SCRIB: variants seen among roughly 807,000 people sequenced by gnomAD.
The protein encoded by SCRIB is scribble planar cell polarity protein, also known as protein scribble homolog.
In SCRIB, 72 loss-of-function variants were observed where a neutral mutation model predicts 170.0. That is an observed-to-expected ratio of 0.42 (90% CI 0.35 to 0.52). SCRIB has a LOEUF of 0.52. SCRIB is among the 20% of genes least tolerant of loss of function. SCRIB has a pLI of 0.02. For synonymous variants in SCRIB, 1,298 were observed against 1,044.3 expected, an observed-to-expected ratio of 1.24 and a Z score of -4.68; for missense variants, 2,475 against 2,338.5, an observed-to-expected ratio of 1.06 and a Z score of -1.20.
chr8:143,809,664 T>C lies in SCRIB; in HGVS notation c.1585A>G (p.Ser529Gly). 1 of 1,611,400 alleles carries C rather than the reference T, an allele frequency of 6.2e-7. No homozygotes were observed. Among genetic ancestry groups the C allele is most frequent in the African/African-American group, 1.3e-5 (1 of 75,054 alleles). The change falls in exon 14 of 37, where the codon AGC (serine) becomes GGC (glycine). Residue 529 changes from serine (S) to glycine (G), a missense_variant. By Grantham distance (56) the Ser-to-Gly change is moderately conservative. This residue lies in a region of SCRIB where 1,966 missense variants were observed against 1,742.9 expected (regional missense o/e 1.13). Coordinates refer to ENST00000356994, the MANE Select transcript of SCRIB (RefSeq NM_182706.5). The part of the protein sequence containing the change: ...GLSEDSRPSA[S>G]TVSEAEPEGP... ...TCGGGCTCAGCCTCAGAGACTGTGCTGGCAGATGGGCGAGAGTCTTCACTC... is the reference window on the plus strand; with the variant it reads ...TCGGGCTCAGCCTCAGAGACTGTGCCGGCAGATGGGCGAGAGTCTTCACTC...
At chr8:143,810,426 C>T (rs1815653009) in intron 13 of SCRIB, 53 bp downstream of exon 13, 1 of 1,588,844 alleles carries the variant, frequency 6.3e-7, no homozygotes, top group Non-Finnish European at 8.5e-7. Flanking sequence ...TGGACCGGAC[C>T]ACCACAGCTC....
chr8:143,803,410 A>G lies in SCRIB; in HGVS notation c.3576T>C (p.Phe1192=), dbSNP rs13281371. Residue 1192 remains phenylalanine (F), a synonymous_variant, in exon 24 of 37, where the codon TTT becomes TTC. Coordinates refer to ENST00000356994, the MANE Select transcript of SCRIB (RefSeq NM_182706.5). ...CCAGGGCTGCGTCGGTGCTGGCCTC[A>G]AAGCCGTCACAGACCAGCACGGTGA... ...DTLTVLVCDG[F]EASTDAALEV... 1,457,757 of 1,586,568 alleles carry G rather than the reference A, an allele frequency of 0.92. 670,150 individuals carry two copies. Among genetic ancestry groups the G allele is most frequent in the East Asian group, 0.98 (43,268 of 44,212 alleles).
intron 1 of SCRIB, among the ~76,000 whole-genome samples, 181 bp from the exon 2 acceptor site, chr8:143,814,299 C>T (rs1300767380): frequency 1.3e-5 from 2 of 152,138 alleles, no homozygotes; most frequent in African/African-American, 4.8e-5. Flanking sequence ...ACACACGGTA[C>T]ACACGCCCAC....
At position 143,807,539 on chromosome 8, in the gene SCRIB, G is replaced by T; in HGVS notation, c.2178+13C>A. The T allele has an allele frequency of 6.2e-7, 1 of 1,611,000 alleles. No individual in the cohort carries two copies. ...CAGCGGCCCGGCCAGAGTGCAGAGC[G>T]AGCAGTACAGACCTCTTCCTCCTCA... On this transcript the variant is annotated intron_variant, in intron 16 of 36. Coordinates refer to ENST00000356994, the MANE Select transcript of SCRIB (RefSeq NM_182706.5).
Position 143,811,187 on chromosome 8 carries a change from G to A in SCRIB, c.1065C>T (p.Ala355=). ...NRLAVLPPEL[A]HTTELHVLDV... ...CCAGCACGTGCAGCTCTGTCGTGTG[G>A]GCCAGCTCTGGTGGCAGGACGGCCA... The change falls in exon 10 of 37, where the codon GCC becomes GCT. Residue 355 remains alanine, a synonymous_variant. Coordinates refer to ENST00000356994, the MANE Select transcript of SCRIB (RefSeq NM_182706.5). The A allele has an allele frequency of 1.2e-6, 2 of 1,611,020 alleles. No homozygotes were observed. Among genetic ancestry groups the A allele is most frequent in the Non-Finnish European group, 1.7e-6 (2 of 1,179,216 alleles).
intron 24 of SCRIB, among the ~76,000 whole-genome samples, chr8:143,796,605 C>A (rs142006784): frequency 6.6e-6 from 1 of 152,168 alleles, no homozygotes; most frequent in Non-Finnish European, 1.5e-5. Context: ...CAACTGTAAG[C>A]GCTCAACAAG....
At chr8:143,811,453 G>C (rs950169686) in intron 9 of SCRIB, 108 bp from the exon 10 acceptor site, 2 of 975,024 alleles carry the variant, frequency 2.1e-6, no homozygotes, top group African/African-American at 3.2e-5. Context: ...CTCCAGCCAG[G>C]GTCCCTCACA....
intron 27 of SCRIB, 115 bp from the exon 28 acceptor site, chr8:143,794,077 A>G: frequency 1.1e-6 from 1 of 921,738 alleles, no homozygotes; most frequent in Non-Finnish European, 1.7e-6. Flanking sequence ...CAGTTCCCCA[A>G]CCTGACTATA....
rs1815556097 is a variant in SCRIB at position 143,808,726 on chromosome 8, C to G, written c.1998G>C (p.Glu666Asp). Residue 666 changes from glutamate (E) to aspartate (D), a missense_variant, in exon 15 of 37, where the codon GAG (glutamate) becomes GAC (aspartate). Glu to Asp is a conservative substitution (Grantham distance 45, BLOSUM62 2). Coordinates refer to ENST00000356994, the MANE Select transcript of SCRIB (RefSeq NM_182706.5). ...RAQKEEEEEE[E>D]GSPQEEEEEE... ...CTTCCTCCTCCTCCTGAGGACTACCCTCTTCCTCCTCCTCCTCCTCCTTCT... is the reference window on the plus strand; with the variant it reads ...CTTCCTCCTCCTCCTGAGGACTACCGTCTTCCTCCTCCTCCTCCTCCTTCT... The G allele has an allele frequency of 6.3e-7, 1 of 1,596,718 alleles. No homozygotes were observed. The highest frequency in any genetic ancestry group is 8.5e-7 in the Non-Finnish European group (1 of 1,171,508).
chr8:143,805,269 T>C lies in SCRIB; in HGVS notation c.2513A>G (p.Glu838Gly), dbSNP rs782092179. 13 of 1,552,992 alleles carry C rather than the reference T, an allele frequency of 8.4e-6. No individual in the cohort carries two copies. The highest frequency in any genetic ancestry group is 1.4e-5 in the African/African-American group (1 of 73,336). ...LRPEDDYSPR[E>G]RRGGGLRLPL... ...CAGGCGCAGCCCCCCTCCCCGCCGCTCTCGGGGGCTGTAATCATCCTCGGG... is the reference window on the plus strand; with the variant it reads ...CAGGCGCAGCCCCCCTCCCCGCCGCCCTCGGGGGCTGTAATCATCCTCGGG... Residue 838 changes from glutamate to glycine, a missense_variant, in exon 19 of 37, where the codon GAG becomes GGG. Glu to Gly is a moderately conservative substitution (Grantham distance 98, BLOSUM62 -2). Around this residue, in one of 3 missense-constraint regions of SCRIB, gnomAD observed 1,966 missense variants for 1,742.9 expected, o/e 1.13. Coordinates refer to ENST00000356994, the MANE Select transcript of SCRIB (RefSeq NM_182706.5).
chr8:143,805,067 G>A (rs1554636111), intron 19 of SCRIB, 45 bp downstream of exon 19: 1 of 1,586,060 alleles, frequency 6.3e-7, no homozygotes, highest in Non-Finnish European at 8.6e-7. Flanking sequence ...GAGTGCGGCT[G>A]TCAGCTCTAG....
At chr8:143,795,184 AG>A in intron 26 of SCRIB, 72 bp from the exon 27 acceptor site, 2 of 1,597,010 alleles carry the variant, frequency 1.3e-6, no homozygotes, top group Non-Finnish European at 1.7e-6. Flanking sequence ...AGGGCAGGAG[AG>A]GGGGTCCTGG....
At chr8:143,800,505 A>G (rs11774282) in intron 24 of SCRIB, among the ~76,000 whole-genome samples, 133,086 of 152,266 alleles carry the variant, frequency 0.87, 58,406 homozygotes, top group East Asian at 0.95. Flanking sequence ...AGATTTACAA[A>G]TCCAGGTGAG....
Position 143,804,612 on chromosome 8 carries a change from G to A in SCRIB, c.2965C>T (p.Pro989Ser). The part of the protein sequence containing the change: ...PGVPGLPSLA[P>S]SLLAAALEGP... Reference sequence around the variant, plus strand: ...TCCAACGCGGCAGCCAGCAGGCTGGGGGCCAGGCTCGGCAACCCAGGCACC... The same window carrying A: ...TCCAACGCGGCAGCCAGCAGGCTGGAGGCCAGGCTCGGCAACCCAGGCACC... The change falls in exon 21 of 37, where the codon CCC becomes TCC. Residue 989 changes from proline (P) to serine (S), a missense_variant. By Grantham distance (74) the Pro-to-Ser change is moderately conservative (BLOSUM62 -1). Around this residue, in one of 3 missense-constraint regions of SCRIB, gnomAD observed 1,966 missense variants for 1,742.9 expected, o/e 1.13. Transcript: ENST00000356994. The A allele has an allele frequency of 2.0e-6, 3 of 1,521,552 alleles. No homozygotes were observed. The highest frequency in any genetic ancestry group is 2.6e-6 in the Non-Finnish European group (3 of 1,137,094). The allele number at this position is 1,521,552 out of a possible 1,614,324, so 94.3% of individuals were successfully genotyped here. A position where few individuals can be genotyped will look rare whatever the true frequency, so the allele number is the denominator to read the frequency against.
At chr8:143,812,124 C>T in intron 9 of SCRIB, 142 bp downstream of exon 9, 1 of 725,868 alleles carries the variant, frequency 1.4e-6, no homozygotes, top group South Asian at 1.5e-5. Context: ...TGCTCCCCCT[C>T]TGACAAGAGA....
At chr8:143,805,088 C>CCCGG in intron 19 of SCRIB, 24 bp downstream of exon 19, 1 of 1,594,766 alleles carries the variant, frequency 6.3e-7, no homozygotes, top group Non-Finnish European at 8.5e-7. Context: ...AGCAGCCCTC[C>CCCGG]CCGGCCCTGG....
rs536686516 is a variant in SCRIB, at chr8:143,804,454, C to G, written c.3009+114G>C. 1.3e-5 allele frequency: 15 copies of G among 1,144,036 alleles called. No homozygotes were observed. The South Asian group carries it at 2.6e-4, about 20-fold the overall frequency. 70.9% of individuals were successfully genotyped at this position (1,144,036 alleles called of 1,614,324 possible). A position where few individuals can be genotyped will look rare whatever the true frequency, so the allele number is the denominator to read the frequency against. ...AAGGAGCTGCAGGGGAAAGGGCGAG[C>G]AGGCCGGCTTCCCACCTGGAGTGGG... On this transcript the variant is annotated intron_variant, in intron 21 of 36. Transcript: ENST00000356994.
chr8:143,808,190 C>A (rs1246505726), intron 15 of SCRIB, among the ~76,000 whole-genome samples: 2 of 152,360 alleles, frequency 1.3e-5, no homozygotes, highest in African/African-American at 4.8e-5. Flanking sequence ...TAGACAGGCC[C>A]TGGAGACCCA....
rs753126738 is a variant in SCRIB, at chr8:143,813,268, G to A, written c.567+43C>T. ...TGTCCCCTTCTTTGCCCTTGCTTCC[G>A]TGGCCCGCCCTCCGGTCTCTGCCCT... On this transcript the variant is annotated intron_variant, in intron 6 of 36. Transcript: ENST00000356994. 7.9e-5 allele frequency: 127 copies of A among 1,611,044 alleles called. 3 individuals are homozygous for A. The highest frequency in any genetic ancestry group is 6.7e-4 in the South Asian group (61 of 91,060).
Sources: allele counts gnomAD v4.1 joint callset (sites outside exome capture counted in the v4.1 genomes callset), GRCh38; gene constraint gnomAD v4.1.1; regional missense constraint gnomAD v4.1.1; transcripts MANE v1.5; gene names NCBI Gene and HGNC (gene_info 2026-07-23, HGNC 2026-07-21).